WDR27: variants seen among roughly 807,000 people sequenced by gnomAD.
WDR27 encodes the protein WD repeat domain 27.
In WDR27, 100 loss-of-function variants were observed where a neutral mutation model predicts 114.4. The observed-to-expected ratio is 0.87, with a 90% CI of 0.74 to 1.03. The LOEUF (loss-of-function observed/expected upper bound fraction) is 1.03, where lower values mean the gene tolerates loss of function less well. WDR27 is among the 50% of genes least tolerant of loss of function. WDR27 has a pLI of 0.00. For synonymous variants in WDR27, 449 were observed against 423.1 expected (o/e 1.06, Z -0.75); for missense variants, 1,129 against 1,092.9 (o/e 1.03, Z -0.47).
At chr6:169,445,881 C>G in the WDR27 span, among the ~76,000 whole-genome samples, 4 of 152,216 alleles carry the variant, frequency 2.6e-5, no homozygotes, top group African/African-American at 7.2e-5. Flanking sequence ...CTGACTGAGT[C>G]TTTGCAGGCT....
chr6:169,570,395 T>C (rs566846526), intron 25 of WDR27, among the ~76,000 whole-genome samples: 3 of 152,220 alleles, frequency 2.0e-5, no homozygotes, highest in African/African-American at 7.2e-5. Context: ...CTGTGAAGTG[T>C]GAGGGGCTAT....
chr6:169,636,274 T>G, intron 19 of WDR27, 97 bp downstream of exon 19: 2 of 1,420,790 alleles, frequency 1.4e-6, no homozygotes, highest in Non-Finnish European at 1.9e-6. Context: ...TTATTAAATT[T>G]GGGGCAACAT....
chr6:169,569,157 A>C (rs1800968198), intron 25 of WDR27, among the ~76,000 whole-genome samples: 1 of 152,212 alleles, frequency 6.6e-6, no homozygotes, highest in Non-Finnish European at 1.5e-5. Context: ...CTGCAGCATG[A>C]GTTTCTGATG....
At position 169,600,711 on chromosome 6, in the gene WDR27, T is replaced by C. The variant is rs188342934; in HGVS notation, c.2424+1508A>G. 1.7e-3 allele frequency among the ~76,000 whole-genome samples: 259 copies of C among 152,206 alleles called. 7 individuals are homozygous for C. The highest frequency in any genetic ancestry group is 0.014 in the Admixed American group (221 of 15,284). On this transcript the variant is annotated intron_variant, in intron 23 of 25. Coordinates refer to ENST00000448612, the MANE Select transcript of WDR27 (RefSeq NM_182552.5). ...ATTCGATCAACTGGAAGAAAGGGTA[T>C]CAGTGATGGAAGATCAAATGAATGA...
At chr6:169,485,520 G>A (rs1393258020) in intron 25 of WDR27, among the ~76,000 whole-genome samples, 3 of 152,188 alleles carry the variant, frequency 2.0e-5, no homozygotes, top group African/African-American at 7.2e-5. Flanking sequence ...AGATGCTGGT[G>A]AGATTGTAGA....
In WDR27 at chr6:169,649,282, A is replaced by G. The variant is rs753510266; in HGVS notation, c.1482-7T>C. ...TGGTGAAAACATAGTTACACTGTGG[A>G]AAGAAAACTCTAATATCACTCTCAA... On this transcript the variant is annotated splice_polypyrimidine_tract_variant and splice_region_variant and intron_variant, in intron 14 of 25. Transcript: ENST00000448612. The G allele has an allele frequency of 1.9e-6, 3 of 1,562,014 alleles. No individual in the cohort carries two copies. In the South Asian group the frequency reaches 3.5e-5, roughly 18 times the overall value.
At chr6:169,631,488 C>G (rs1467704995) in intron 21 of WDR27, among the ~76,000 whole-genome samples, 1 of 152,156 alleles carries the variant, frequency 6.6e-6, no homozygotes, top group East Asian at 1.9e-4. Flanking sequence ...TTTAAACCCT[C>G]CCTTCTCCGA....
Position 169,659,948 on chromosome 6 carries a change from GGGAA to G in WDR27, c.1130-434_1130-431del, listed in dbSNP as rs1825568433. Among the ~76,000 whole-genome samples the G allele has an allele frequency of 6.6e-6, 1 of 151,964 alleles. No individual in the cohort carries two copies. On this transcript the variant is annotated intron_variant, in intron 10 of 25. Transcript: ENST00000448612. This position sits in a 1 kb window ranked among gnomAD's most constrained non-coding sequence, Gnocchi z 4.3. ...GGAGGGGCAGGGATGGGCGGCTGAA[GGGAA>G]GGGCGTGTGTGAAGACACAGATGCA...
At chr6:169,514,752 AAG>A (rs1466831864) in intron 25 of WDR27, among the ~76,000 whole-genome samples, 1 of 121,730 alleles carries the variant, frequency 8.2e-6, no homozygotes, top group Non-Finnish European at 1.6e-5. Flanking sequence ...AACAGAAAAA[AAG>A]AGAATATATA....
At chr6:169,701,345 C>T (rs1787969129) in intron 1 of WDR27, among the ~76,000 whole-genome samples, 1 of 152,070 alleles carries the variant, frequency 6.6e-6, no homozygotes, top group Non-Finnish European at 1.5e-5. Flanking sequence ...GAAAACCTAG[C>T]CTGGTAGTTA....
the WDR27 span, among the ~76,000 whole-genome samples, chr6:169,443,869 G>A: frequency 1.3e-5 from 2 of 152,160 alleles, no homozygotes; most frequent in Admixed American, 1.3e-4. Flanking sequence ...GTCCAAAACA[G>A]AGTCATTCAG....
intron 25 of WDR27, among the ~76,000 whole-genome samples, chr6:169,536,247 C>T (rs1796175335): frequency 6.6e-6 from 1 of 152,134 alleles, no homozygotes; most frequent in Admixed American, 6.5e-5. Context: ...AATCATAAGC[C>T]TTATATAAGG....
chr6:169,459,990 C>A (rs745947315), intron 25 of WDR27, among the ~76,000 whole-genome samples: 85 of 151,972 alleles, frequency 5.6e-4, no homozygotes, highest in Non-Finnish European at 1.2e-3. Flanking sequence ...TAAAAGGACC[C>A]TAGACAGGAA....
chr6:169,564,336 G>C (rs2128118976), intron 25 of WDR27, among the ~76,000 whole-genome samples: 1 of 152,270 alleles, frequency 6.6e-6, no homozygotes. Context: ...CACATTGAGG[G>C]TGGGCCTGCC....
chr6:169,640,799 A>G (rs1818957914), intron 17 of WDR27, among the ~76,000 whole-genome samples: 1 of 145,430 alleles, frequency 6.9e-6, no homozygotes, highest in Non-Finnish European at 1.5e-5. Context: ...TCCAATATCA[A>G]GCTCAGACCA....
chr6:169,486,456 C>T (rs770280029), intron 25 of WDR27, among the ~76,000 whole-genome samples: 1 of 152,104 alleles, frequency 6.6e-6, no homozygotes, highest in Non-Finnish European at 1.5e-5. Flanking sequence ...GCCTTTGTTT[C>T]CTCCACCAGG....
intron 23 of WDR27, among the ~76,000 whole-genome samples, chr6:169,586,464 G>T (rs1182273785): frequency 6.6e-6 from 1 of 152,120 alleles, no homozygotes; most frequent in East Asian, 1.9e-4. Flanking sequence ...CTAGAGGCTG[G>T]ATGACAGATG....
At chr6:169,666,365 A>G in intron 6 of WDR27, 1 of 982,662 alleles carries the variant, frequency 1.0e-6, no homozygotes, top group South Asian at 4.7e-5. Flanking sequence ...TAACTCTACC[A>G]GGTCACCAAA....
intron 25 of WDR27, among the ~76,000 whole-genome samples, chr6:169,519,581 T>TAAGGAG (rs1794110253): frequency 1.3e-5 from 2 of 151,936 alleles, no homozygotes; most frequent in Non-Finnish European, 2.9e-5. Flanking sequence ...CCCACTATTG[T>TAAGGAG]AAGGAGAGCA....
Sources: allele counts gnomAD v4.1 joint callset (sites outside exome capture counted in the v4.1 genomes callset), GRCh38; gene constraint gnomAD v4.1.1; non-coding constraint Gnocchi (gnomAD v3.1); transcripts MANE v1.5; gene names NCBI Gene and HGNC (gene_info 2026-07-23, HGNC 2026-07-21).